The following RFX7 variants were observed in gnomAD, a reference collection of about 807,000 sequenced individuals.
RFX7 encodes the protein regulatory factor X7, also known as DNA-binding protein RFX7.
Under a neutral mutation model 111.8 loss-of-function variants are expected in RFX7, and 26 were observed. The ratio of observed to expected loss-of-function variants is 0.23; its 90% CI spans 0.17 to 0.32. The LOEUF (loss-of-function observed/expected upper bound fraction) is 0.32. Ranked by LOEUF, RFX7 falls within the 10% of genes least tolerant of loss-of-function variation. RFX7 has a pLI of 1.00. For synonymous variants in RFX7, 624 were observed against 624.4 expected, an observed-to-expected ratio of 1.00 and a Z score of 0.01; for missense variants, 1,573 against 1,772.9, an observed-to-expected ratio of 0.89 and a Z score of 2.02.
At chr15:56,150,427 C>T (rs1180108467) in intron 3 of RFX7, among the ~76,000 whole-genome samples, 1 of 152,202 alleles carries the variant, frequency 6.6e-6, no homozygotes, top group East Asian at 1.9e-4. Context: ...TGGCATCTGG[C>T]AGGTGCTCCG....
chr15:56,159,824 C>T (rs2042699961), intron 3 of RFX7, among the ~76,000 whole-genome samples: 1 of 152,060 alleles, frequency 6.6e-6, no homozygotes, highest in African/African-American at 2.4e-5. Flanking sequence ...AACTTAAAGA[C>T]CTTTAAGCAG....
At chr15:56,141,439 T>G (rs115040953) in intron 5 of RFX7, among the ~76,000 whole-genome samples, 3 of 151,898 alleles carry the variant, frequency 2.0e-5, no homozygotes, top group Non-Finnish European at 2.9e-5. Flanking sequence ...ATTTTATAGA[T>G]GAACCAACTG....
chr15:56,109,618 C>T (rs2041882787), intron 5 of RFX7, among the ~76,000 whole-genome samples: 1 of 151,880 alleles, frequency 6.6e-6, no homozygotes, highest in Non-Finnish European at 1.5e-5. Context: ...TCTTCCCTGC[C>T]GCCATCCCAT....
chr15:56,108,582 A>C (rs2041862967), intron 5 of RFX7, among the ~76,000 whole-genome samples: 2 of 152,216 alleles, frequency 1.3e-5, no homozygotes, highest in African/African-American at 4.8e-5. Context: ...TGACAAACAC[A>C]GCCAATATCA....
At chr15:56,124,446 T>A (rs897385560) in intron 5 of RFX7, among the ~76,000 whole-genome samples, 2 of 151,698 alleles carry the variant, frequency 1.3e-5, no homozygotes, top group African/African-American at 4.8e-5. Context: ...AAATCCATAC[T>A]GTTCTCCATA....
In RFX7 at chr15:56,228,749, T is replaced by C. The variant is rs190896202; in HGVS notation, c.161+14376A>G. Among the ~76,000 whole-genome samples, 534 of 152,256 alleles carry C rather than the reference T, an allele frequency of 3.5e-3. 6 individuals carry two copies. The highest frequency in any genetic ancestry group is 0.017 in the South Asian group (83 of 4,824). On this transcript the variant is annotated intron_variant, in intron 2 of 9. Transcript: ENST00000559447. ...TCCACCTTGGAGGACTTAAGAATGA[T>C]TGAAAATAAAGTAGTCCCCCCTCAT...
At position 56,094,554 on chromosome 15, in the gene RFX7, G is replaced by C. The variant is rs1464642196; in HGVS notation, c.3174C>G (p.Asp1058Glu). The C allele has an allele frequency of 6.2e-7, 1 of 1,613,956 alleles. No homozygotes were observed. The highest frequency in any genetic ancestry group is 8.5e-7 in the Non-Finnish European group (1 of 1,179,880). The stretch of plus-strand genomic sequence containing the variant: ...TATTCATCCATTCAAGCTTGGTTTT[G>C]TCAGGGTGTGTGGCCATGGGTCTTT... The part of the protein sequence containing the change: ...PMQRPMATHP[D>E]KTKLEWMNNG... Residue 1058 changes from aspartate to glutamate, a missense_variant, in exon 10 of 10, where the codon GAC becomes GAG. Asp to Glu is a conservative substitution (Grantham distance 45). Coordinates refer to ENST00000559447, the MANE Select transcript of RFX7 (RefSeq NM_022841.7).
chr15:56,147,463 G>A (rs1174878839), intron 3 of RFX7, among the ~76,000 whole-genome samples: 3 of 152,158 alleles, frequency 2.0e-5, no homozygotes, highest in Admixed American at 2.0e-4. Flanking sequence ...CTTTTGGGGT[G>A]AGGAAAAGGT....
At chr15:56,227,417 T>G (rs1373505835) in intron 2 of RFX7, among the ~76,000 whole-genome samples, 1 of 152,216 alleles carries the variant, frequency 6.6e-6, no homozygotes, top group Non-Finnish European at 1.5e-5. Flanking sequence ...TACTATTCAT[T>G]GACCATGTTG....
chr15:56,219,960 C>T (rs1273554082), intron 2 of RFX7, among the ~76,000 whole-genome samples: 1 of 152,192 alleles, frequency 6.6e-6, no homozygotes, highest in Non-Finnish European at 1.5e-5. Flanking sequence ...TCCACAGTGG[C>T]TGAACTAATT....
At chr15:56,153,994 A>AGCAACAGAC (rs2042614359) in intron 3 of RFX7, among the ~76,000 whole-genome samples, 1 of 152,026 alleles carries the variant, frequency 6.6e-6, no homozygotes, top group Non-Finnish European at 1.5e-5. Flanking sequence ...TGTATACACC[A>AGCAACAGAC]ATAATAGAGA....
At chr15:56,102,090 T>C (rs1192089533) in intron 7 of RFX7, 79 bp downstream of exon 7, 1 of 1,045,896 alleles carries the variant, frequency 9.6e-7, no homozygotes, top group Non-Finnish European at 1.4e-6. Flanking sequence ...CTTAACCAAA[T>C]GAGACTTTGC....
intron 4 of RFX7, among the ~76,000 whole-genome samples, chr15:56,143,636 C>G (rs970533164): frequency 6.6e-6 from 1 of 152,076 alleles, no homozygotes; most frequent in East Asian, 1.9e-4. Flanking sequence ...TCCATCTCAG[C>G]TATCTGTAAG....
At chr15:56,168,526 G>A (rs2042808537) in intron 3 of RFX7, among the ~76,000 whole-genome samples, 1 of 152,130 alleles carries the variant, frequency 6.6e-6, no homozygotes, top group Non-Finnish European at 1.5e-5. Flanking sequence ...CTTTGATAGG[G>A]ATATACACAG....
intron 5 of RFX7, among the ~76,000 whole-genome samples, chr15:56,115,004 CTTTT>C (rs1454502223): frequency 6.6e-6 from 1 of 151,946 alleles, no homozygotes; most frequent in Non-Finnish European, 1.5e-5. Flanking sequence ...AATGACTATT[CTTTT>C]TTTATTTTTA....
At chr15:56,240,098 C>T (rs1277489399) in intron 2 of RFX7, among the ~76,000 whole-genome samples, 4 of 109,910 alleles carry the variant, frequency 3.6e-5, no homozygotes, top group Admixed American at 2.1e-4. Flanking sequence ...ACATGGGTTA[C>T]TAGTTTTCTT....
intron 5 of RFX7, among the ~76,000 whole-genome samples, chr15:56,139,661 A>T (rs1170369473): frequency 3.9e-5 from 6 of 152,182 alleles, no homozygotes; most frequent in Admixed American, 3.9e-4. Context: ...GCTGGTGAGG[A>T]ACTGCGTTCC....
intron 4 of RFX7, among the ~76,000 whole-genome samples, chr15:56,143,638 ATCTG>A (rs1454723558): frequency 2.0e-5 from 3 of 152,188 alleles, no homozygotes; most frequent in Non-Finnish European, 4.4e-5. Flanking sequence ...CATCTCAGCT[ATCTG>A]TAAGAATAAT....
chr15:56,192,264 C>T (rs1382375519), intron 2 of RFX7: 1 of 165,934 alleles, frequency 6.0e-6, no homozygotes, highest in African/African-American at 2.4e-5. Context: ...GAATGTCTGA[C>T]CAAAGAGTAT....
Sources: gnomAD v4.1 joint callset for allele counts (sites outside exome capture counted in the v4.1 genomes callset) on GRCh38, gnomAD v4.1.1 for gene constraint, MANE v1.5 for transcripts, NCBI Gene and HGNC (gene_info 2026-07-23, HGNC 2026-07-21) for gene names.